The following SNX29 variants were observed in gnomAD, a reference collection of about 807,000 sequenced individuals.
SNX29 encodes sorting nexin-29.
Under a neutral mutation model 102.1 loss-of-function variants are expected in SNX29, and 78 were observed. The ratio of observed to expected loss-of-function variants is 0.76; its 90% CI spans 0.64 to 0.92. SNX29 has a LOEUF of 0.92. Ranked by LOEUF, SNX29 falls within the 40% of genes least tolerant of loss-of-function variation. The probability of loss-of-function intolerance (pLI) is 0.00; values close to 1 mark genes in which losing one functional copy is unlikely to be tolerated. For synonymous variants in SNX29, 580 were observed against 414.5 expected, an observed-to-expected ratio of 1.40 and a Z score of -4.85; for missense variants, 1,280 against 1,061.7, an observed-to-expected ratio of 1.21 and a Z score of -2.86.
intron 20 of SNX29, among the ~76,000 whole-genome samples, chr16:12,559,658 C>T (rs1043336817): frequency 5.1e-4 from 78 of 152,218 alleles, no homozygotes; most frequent in African/African-American, 1.8e-3. Context: ...CCACATTCTG[C>T]TTCTCTACCA....
chr16:12,494,956 C>T (rs969588414), intron 19 of SNX29, among the ~76,000 whole-genome samples: 4 of 152,198 alleles, frequency 2.6e-5, no homozygotes, highest in African/African-American at 9.6e-5. Flanking sequence ...GTGCCAAGGA[C>T]TGCCTGCGCA....
intron 20 of SNX29, among the ~76,000 whole-genome samples, chr16:12,568,271 C>G (rs774727121): frequency 6.9e-6 from 1 of 145,466 alleles, no homozygotes; most frequent in African/African-American, 2.5e-5. Context: ...CTCAGACTCA[C>G]AGCCAAGCTT....
chr16:12,164,692 T>G (rs1308064142), intron 13 of SNX29, among the ~76,000 whole-genome samples: 2 of 149,374 alleles, frequency 1.3e-5, no homozygotes, highest in Non-Finnish European at 3.0e-5. Flanking sequence ...TTTTTTTTTT[T>G]TTTTTTTTTG....
chr16:12,006,170 T>C (rs1016287414), intron 3 of SNX29, among the ~76,000 whole-genome samples: 2 of 151,236 alleles, frequency 1.3e-5, no homozygotes, highest in African/African-American at 2.4e-5. Flanking sequence ...TGCCATTGCA[T>C]TCTAGCTTGG....
At chr16:12,387,179 C>A (rs2083370252) in intron 16 of SNX29, among the ~76,000 whole-genome samples, 1 of 152,044 alleles carries the variant, frequency 6.6e-6, no homozygotes, top group African/African-American at 2.4e-5. Context: ...ATTACTGATC[C>A]AAAGAAACCA....
intron 13 of SNX29, chr16:12,135,715 A>C: frequency 2.3e-6 from 2 of 878,934 alleles, no homozygotes; most frequent in Non-Finnish European, 3.2e-6. Flanking sequence ...TATGTGAGCC[A>C]ATAAATTGCT....
intron 18 of SNX29, among the ~76,000 whole-genome samples, chr16:12,453,372 G>C (rs2086392079): frequency 6.6e-6 from 1 of 152,182 alleles, no homozygotes; most frequent in Non-Finnish European, 1.5e-5. Flanking sequence ...TGCCATCCTT[G>C]CTGGAAATCC....
At chr16:12,510,317 C>T (rs770780599) in intron 19 of SNX29, among the ~76,000 whole-genome samples, 5 of 152,136 alleles carry the variant, frequency 3.3e-5, no homozygotes, top group African/African-American at 4.8e-5. Flanking sequence ...ATGAGGTGGA[C>T]CGTGGAGGCC....
intron 11 of SNX29, chr16:12,090,327 T>G (rs2052457134): frequency 6.6e-6 from 1 of 152,256 alleles, no homozygotes; most frequent in Admixed American, 6.5e-5. Flanking sequence ...GCTTTTACGG[T>G]GGGGAGCGGC....
At chr16:12,354,051 G>A (rs753724367) in intron 15 of SNX29, among the ~76,000 whole-genome samples, 28 of 152,296 alleles carry the variant, frequency 1.8e-4, no homozygotes, top group Middle Eastern at 3.4e-3. Flanking sequence ...TTATTTTTGT[G>A]ATAACAGGAA....
intron 15 of SNX29, among the ~76,000 whole-genome samples, chr16:12,306,831 C>A (rs1447941615): frequency 6.6e-6 from 1 of 152,172 alleles, no homozygotes; most frequent in African/African-American, 2.4e-5. Flanking sequence ...GGTGGCCAGC[C>A]CCTAGTTTGG....
chr16:12,561,133 G>T (rs531858103), intron 20 of SNX29: 1 of 228,690 alleles, frequency 4.4e-6, no homozygotes, highest in Admixed American at 5.7e-5. Context: ...GCAGTCCTGA[G>T]GCCCAGGTGT....
At chr16:12,463,444 A>T (rs933295376) in intron 18 of SNX29, among the ~76,000 whole-genome samples, 1 of 152,236 alleles carries the variant, frequency 6.6e-6, no homozygotes, top group Non-Finnish European at 1.5e-5. Flanking sequence ...CTCACATCTT[A>T]CATGGATGGC....
chr16:12,281,982 G>A (rs568800886), intron 15 of SNX29, among the ~76,000 whole-genome samples: 6 of 151,500 alleles, frequency 4.0e-5, no homozygotes, highest in Non-Finnish European at 5.9e-5. Flanking sequence ...CTACTTGGGA[G>A]GCTGAGGCAG....
chr16:12,464,862 C>A (rs1200155199), intron 18 of SNX29, among the ~76,000 whole-genome samples: 1 of 152,136 alleles, frequency 6.6e-6, no homozygotes, highest in Admixed American at 6.5e-5. Context: ...GATTTACTTT[C>A]CTGCCAATAG....
In SNX29 at chr16:11,992,298, A is replaced by AT. The variant is rs951476247; in HGVS notation, c.8-6988dup. ...GACAGAGCCAGACTCCATCTCTTAAATTTTTTTTTTTAATTGAGGTGAAAT... is the reference window on the plus strand; with the variant it reads ...GACAGAGCCAGACTCCATCTCTTAAATTTTTTTTTTTTAATTGAGGTGAAAT... On this transcript the variant is annotated intron_variant, in intron 1 of 20. Transcript: ENST00000566228. Among the ~76,000 whole-genome samples the AT allele has an allele frequency of 5.4e-3, 804 of 148,974 alleles. 7 individuals are homozygous for AT. The highest frequency in any genetic ancestry group is 0.019 in the African/African-American group (763 of 40,774).
At chr16:12,159,958 A>G (rs1236352532) in intron 13 of SNX29, among the ~76,000 whole-genome samples, 1 of 152,156 alleles carries the variant, frequency 6.6e-6, no homozygotes, top group Non-Finnish European at 1.5e-5. Flanking sequence ...ATAGGCACCA[A>G]TTTTCTTTAC....
intron 20 of SNX29, among the ~76,000 whole-genome samples, chr16:12,551,650 C>T (rs182544571): frequency 1.4e-4 from 21 of 152,312 alleles, no homozygotes; most frequent in African/African-American, 4.8e-4. Context: ...ATTTTCTGAG[C>T]TTTGGTTTCC....
intron 9 of SNX29, among the ~76,000 whole-genome samples, chr16:12,061,954 A>G (rs2050794016): frequency 6.6e-6 from 1 of 152,154 alleles, no homozygotes; most frequent in South Asian, 2.1e-4. Context: ...TGGTCGTTTA[A>G]AAGCTGACCA....
Sources: gnomAD v4.1 joint callset for allele counts (sites outside exome capture counted in the v4.1 genomes callset) on GRCh38, gnomAD v4.1.1 for gene constraint, MANE v1.5 for transcripts, NCBI Gene and HGNC (gene_info 2026-07-23, HGNC 2026-07-21) for gene names.